ALPK1: variants seen among roughly 807,000 people sequenced by gnomAD.
ALPK1 encodes the protein alpha-protein kinase 1.
ALPK1 carries 110 observed loss-of-function variants against 120.6 expected under a neutral mutation model. That is an observed-to-expected ratio of 0.91 (90% CI 0.78 to 1.07). ALPK1 has a LOEUF of 1.07. Ranked by LOEUF, ALPK1 falls within the 50% of genes least tolerant of loss-of-function variation. The probability of loss-of-function intolerance (pLI) is 0.00; values close to 1 mark genes in which losing one functional copy is unlikely to be tolerated. For missense variants in ALPK1, 1,498 were observed against 1,483.9 expected, an observed-to-expected ratio of 1.01 and a Z score of -0.16; for synonymous variants, 582 against 560.3, an observed-to-expected ratio of 1.04 and a Z score of -0.55.
At chr4:112,406,257 A>G (rs535032397) in intron 4 of ALPK1, among the ~76,000 whole-genome samples, 1 of 152,342 alleles carries the variant, frequency 6.6e-6, no homozygotes, top group East Asian at 1.9e-4. Context: ...GAATGAATAA[A>G]CAAAATGTGG....
At chr4:112,412,079 T>C in intron 5 of ALPK1, 54 bp downstream of exon 5, 1 of 1,600,802 alleles carries the variant, frequency 6.2e-7, no homozygotes, top group Non-Finnish European at 8.5e-7. Flanking sequence ...CTGGTCCCCT[T>C]CCCTCCCGAG....
intron 4 of ALPK1, among the ~76,000 whole-genome samples, chr4:112,395,551 A>T (rs1202195296): frequency 6.6e-6 from 1 of 152,234 alleles, no homozygotes; most frequent in African/African-American, 2.4e-5. Flanking sequence ...AATGATATAC[A>T]TGTTCTGTGC....
chr4:112,412,011 T>C lies in ALPK1; in HGVS notation c.461T>C (p.Ile154Thr), dbSNP rs550191337. The C allele has an allele frequency of 2.7e-5, 44 of 1,614,020 alleles. No individual in the cohort carries two copies. The South Asian group carries it at 4.3e-4, about 16-fold the overall frequency. The change falls in exon 5 of 16, where the codon ATC (isoleucine) becomes ACC (threonine). Residue 154 changes from isoleucine to threonine, a missense_variant. By Grantham distance (89) the Ile-to-Thr change is moderately conservative (BLOSUM62 -1). Coordinates refer to ENST00000650871, the MANE Select transcript of ALPK1 (RefSeq NM_025144.4). The part of the protein sequence containing the change: ...APQVVIRQAR[I>T]SVNSGKLLKA... ...CAGGTGGTTATTCGCCAAGCCCGAA[T>C]CTCCGTGAACTCAGGTATGCTCCCT...
chr4:112,367,110 G>A (rs1459134717), intron 2 of ALPK1, among the ~76,000 whole-genome samples: 3 of 152,178 alleles, frequency 2.0e-5, no homozygotes, highest in Admixed American at 6.5e-5. Context: ...CAGTGTTCGG[G>A]TGATGGGGTT....
intron 2 of ALPK1, among the ~76,000 whole-genome samples, chr4:112,371,728 A>C (rs1407742438): frequency 6.6e-6 from 1 of 152,240 alleles, no homozygotes; most frequent in Non-Finnish European, 1.5e-5. Flanking sequence ...CAAGTGAGGA[A>C]ACCAAAGCAA....
At chr4:112,351,721 G>A (rs1026973613) in intron 2 of ALPK1, among the ~76,000 whole-genome samples, 2 of 152,092 alleles carry the variant, frequency 1.3e-5, no homozygotes, top group Non-Finnish European at 2.9e-5. Flanking sequence ...TGATCTGCCC[G>A]CCTCAACCTC....
chr4:112,334,197 C>G (rs1410712486), intron 2 of ALPK1, among the ~76,000 whole-genome samples: 1 of 152,030 alleles, frequency 6.6e-6, no homozygotes, highest in Non-Finnish European at 1.5e-5. Flanking sequence ...CTTTGGGAAG[C>G]CAAGGCAGGC....
intron 11 of ALPK1, among the ~76,000 whole-genome samples, chr4:112,434,691 T>A (rs1734715497): frequency 6.6e-6 from 1 of 152,184 alleles, no homozygotes; most frequent in Non-Finnish European, 1.5e-5. Flanking sequence ...GAAGAGAAAA[T>A]TAGGGTGCAC....
At chr4:112,327,545 C>T (rs1290772649) in intron 2 of ALPK1, among the ~76,000 whole-genome samples, 1 of 152,134 alleles carries the variant, frequency 6.6e-6, no homozygotes, top group Non-Finnish European at 1.5e-5. Flanking sequence ...AGGGATCCCC[C>T]CGACCTCAGC....
At chr4:112,343,491 C>T (rs1013313742) in intron 2 of ALPK1, 3 of 152,094 alleles carry the variant, frequency 2.0e-5, no homozygotes, top group Non-Finnish European at 2.9e-5. Flanking sequence ...AAAGTAAATA[C>T]CCGTCTCAAA....
At chr4:112,440,881 G>A in intron 14 of ALPK1, 36 bp from the exon 15 acceptor site, 3 of 1,567,300 alleles carry the variant, frequency 1.9e-6, no homozygotes, top group South Asian at 1.2e-5. Context: ...CATTTACAGG[G>A]AATTTAATAC....
chr4:112,423,750 C>A (rs2148757415), intron 5 of ALPK1, 194 bp from the exon 6 acceptor site: 1 of 699,202 alleles, frequency 1.4e-6, no homozygotes, highest in East Asian at 2.8e-5. Context: ...CCCACCTTAC[C>A]AACTTAGGAA....
At chr4:112,311,258 C>T (rs1200588777) in intron 1 of ALPK1, among the ~76,000 whole-genome samples, 5 of 152,092 alleles carry the variant, frequency 3.3e-5, no homozygotes, top group Non-Finnish European at 7.3e-5. Context: ...ATCTGTTCAC[C>T]AGTGCTGAAT....
At chr4:112,330,357 A>G (rs1016107365) in intron 2 of ALPK1, among the ~76,000 whole-genome samples, 1 of 152,240 alleles carries the variant, frequency 6.6e-6, no homozygotes, top group Non-Finnish European at 1.5e-5. Flanking sequence ...CATGTCATTT[A>G]CAGCCTAAGC....
At chr4:112,410,865 T>C (rs1283846300) in intron 4 of ALPK1, 1 of 154,630 alleles carries the variant, frequency 6.5e-6, no homozygotes, top group Non-Finnish European at 1.5e-5. Context: ...ATAAATCAAA[T>C]ATGGACTGTT....
In ALPK1 at chr4:112,349,556, C is replaced by CT. The variant is rs568327602; in HGVS notation, c.-100-28122_-100-28121insT. On this transcript the variant is annotated intron_variant, in intron 2 of 15. Coordinates refer to ENST00000650871, the MANE Select transcript of ALPK1 (RefSeq NM_025144.4). ...TTATTACCGCCCCAACCCCTGCCCC[C>CT]CCCCGCTTTATTTTTGAGACAGAGT... 9.1e-5 allele frequency among the ~76,000 whole-genome samples: 13 copies of CT among 142,716 alleles called. 2 individuals are homozygous for CT. The highest frequency in any genetic ancestry group is 2.1e-4 in the Admixed American group (3 of 14,414). 93.6% of individuals were successfully genotyped at this position (142,716 alleles called of 152,430 possible).
At chr4:112,382,252 T>C in intron 3 of ALPK1, 146 bp from the exon 4 acceptor site, 1 of 1,025,224 alleles carries the variant, frequency 9.8e-7, no homozygotes. Flanking sequence ...ACCAACAGCT[T>C]AGACCAGCCA....
At chr4:112,313,552 A>T (rs990843491) in intron 1 of ALPK1, among the ~76,000 whole-genome samples, 1 of 152,144 alleles carries the variant, frequency 6.6e-6, no homozygotes, top group Non-Finnish European at 1.5e-5. Flanking sequence ...GTGAAAACCC[A>T]TCTCTACTAA....
At chr4:112,410,551 T>C (rs1446094533) in intron 4 of ALPK1, among the ~76,000 whole-genome samples, 1 of 152,188 alleles carries the variant, frequency 6.6e-6, no homozygotes, top group African/African-American at 2.4e-5. Flanking sequence ...GGTAGGAAAA[T>C]GGGCAATACT....
Sources: allele counts gnomAD v4.1 joint callset (sites outside exome capture counted in the v4.1 genomes callset), GRCh38; gene constraint gnomAD v4.1.1; transcripts MANE v1.5; gene names NCBI Gene and HGNC (gene_info 2026-07-23, HGNC 2026-07-21).